The following TTC21A variants were observed in gnomAD, a reference collection of about 807,000 sequenced individuals.
TTC21A encodes the protein tetratricopeptide repeat protein 21A.
Under a neutral mutation model 156.4 loss-of-function variants are expected in TTC21A, and 128 were observed. That is an observed-to-expected ratio of 0.82 (90% CI 0.71 to 0.95). TTC21A has a LOEUF of 0.95. TTC21A is among the 40% of genes least tolerant of loss of function. The pLI is 0.00. For missense variants in TTC21A, 1,435 were observed against 1,602.3 expected (o/e 0.90, Z 1.78); for synonymous variants, 587 against 617.1 (o/e 0.95, Z 0.72).
At position 39,134,142 on chromosome 3, in the gene TTC21A, A is replaced by C; in HGVS notation, c.2752-76A>C. 1 of 889,656 alleles carries C rather than the reference A, an allele frequency of 1.1e-6. No individual in the cohort carries two copies. The allele number at this position is 889,656 out of a possible 1,614,324, so 55.1% of individuals were successfully genotyped here. A position where few individuals can be genotyped will look rare whatever the true frequency, so the allele number is the denominator to read the frequency against. On this transcript the variant is annotated intron_variant, in intron 20 of 28. Transcript: ENST00000683103. The surrounding 1 kb of genome is among the most constrained non-coding windows in gnomAD (Gnocchi z 4.6). ...GCTGATAGAAGTGGGGTGTGAGGGA[A>C]AGAGCTGTCAAGGATAACCCCAGGG...
intron 2 of TTC21A, among the ~76,000 whole-genome samples, chr3:39,109,616 T>A (rs1172747496): frequency 6.6e-6 from 1 of 152,132 alleles, no homozygotes; most frequent in African/African-American, 2.4e-5. Context: ...GCAGATGGGC[T>A]GACATTCAGA....
At chr3:39,120,120 C>G in intron 8 of TTC21A, 100 bp downstream of exon 8, 1 of 814,718 alleles carries the variant, frequency 1.2e-6, no homozygotes, top group South Asian at 1.6e-5. Context: ...CCTTACCCCT[C>G]CCTTCTGGCT....
At chr3:39,133,962 G>A (rs1445526702) in intron 20 of TTC21A, among the ~76,000 whole-genome samples, 1 of 152,230 alleles carries the variant, frequency 6.6e-6, no homozygotes, top group Non-Finnish European at 1.5e-5. Flanking sequence ...TCTCAGAGCA[G>A]TGAGGCCAGA....
chr3:39,134,480 C>T lies in TTC21A; in HGVS notation c.2862+152C>T, dbSNP rs759145638. 6.3e-5 allele frequency: 45 copies of T among 714,182 alleles called. No homozygotes were observed. The highest frequency in any genetic ancestry group is 1.1e-4 in the Non-Finnish European group (43 of 389,252). 44.2% of individuals were successfully genotyped at this position (714,182 alleles called of 1,614,324 possible). A position where few individuals can be genotyped will look rare whatever the true frequency, so the allele number is the denominator to read the frequency against. ...GTCGGGCAGAGAGGACTCAGTGCTG[C>T]ACCTACTCTGCCCTTTAGCCGGAAG... On this transcript the variant is annotated intron_variant, in intron 21 of 28. Coordinates refer to ENST00000683103, the MANE Select transcript of TTC21A (RefSeq NM_001366900.1). This position sits in a 1 kb window ranked among gnomAD's most constrained non-coding sequence, Gnocchi z 4.6.
chr3:39,109,032 A>T (rs1264595492), intron 1 of TTC21A, 53 bp from the exon 2 acceptor site: 2 of 1,595,022 alleles, frequency 1.3e-6, no homozygotes, highest in Non-Finnish European at 1.7e-6. Context: ...TCTGGGACAG[A>T]ACAGAGACAG....
chr3:39,137,233 G>A lies in TTC21A; in HGVS notation c.3296G>A (p.Ser1099Asn). Residue 1099 changes from serine to asparagine, a missense_variant, in exon 25 of 29, where the codon AGC (serine) becomes AAC (asparagine). Physicochemically the swap from Ser to Asn is conservative, Grantham distance 46. Transcript: ENST00000683103. ...EKKELEQQGV[S>N]TAEKLLREFY... is the part of the protein sequence containing the mutation. ...AAGGAGTTGGAGCAGCAGGGTGTGA[G>A]CACCGCCGAGAAACTGCTGCGTGAG... 6.2e-7 allele frequency: 1 copy of A among 1,614,050 alleles called. No individual in the cohort carries two copies. Among genetic ancestry groups the A allele is most frequent in the Non-Finnish European group, 8.5e-7 (1 of 1,179,986 alleles).
In TTC21A at chr3:39,136,448, G is replaced by A; in HGVS notation, c.3036G>A (p.Lys1012=). ...DIPAFFELAK[K]VSSRVPLEPG... ...CTGCCTTCTTTGAATTGGCCAAGAA[G>A]GTGTCTAGCCGGGTGCCTTTGGAAC... The change falls in exon 23 of 29, where the codon AAG becomes AAA. Residue 1012 remains lysine (K), a synonymous_variant. Coordinates refer to ENST00000683103, the MANE Select transcript of TTC21A (RefSeq NM_001366900.1). The A allele has an allele frequency of 6.2e-7, 1 of 1,614,248 alleles. No individual in the cohort carries two copies. Among genetic ancestry groups the A allele is most frequent in the Non-Finnish European group, 8.5e-7 (1 of 1,180,042 alleles).
At chr3:39,113,374 G>A (rs369829141) in intron 5 of TTC21A, among the ~76,000 whole-genome samples, 1 of 152,176 alleles carries the variant, frequency 6.6e-6, no homozygotes, top group South Asian at 2.1e-4. Context: ...AAGAGAAGGC[G>A]GGCTGTGAAT....
intron 9 of TTC21A, among the ~76,000 whole-genome samples, chr3:39,123,638 A>C (rs2037957476): frequency 6.6e-6 from 1 of 152,186 alleles, no homozygotes; most frequent in African/African-American, 2.4e-5. Flanking sequence ...CCTAACTCCA[A>C]ACTTGGAAGC....
At chr3:39,126,228 C>G (rs564656654) in intron 11 of TTC21A, 33 bp from the exon 12 acceptor site, 2 of 1,613,380 alleles carry the variant, frequency 1.2e-6, no homozygotes, top group African/African-American at 1.3e-5. Context: ...ATAGGGCAAA[C>G]CTACTCCCAC....
chr3:39,114,858 A>G lies in TTC21A; in HGVS notation c.716+116A>G, dbSNP rs1045860018. On this transcript the variant is annotated intron_variant, in intron 6 of 28. Transcript: ENST00000683103. ...AAATATCGCCCATAGAGGAACTGGGAATTGTGCTATGGCCAAATTGGGATG... is the reference window on the plus strand; with the variant it reads ...AAATATCGCCCATAGAGGAACTGGGGATTGTGCTATGGCCAAATTGGGATG... 1.3e-5 allele frequency: 16 copies of G among 1,269,134 alleles called. No homozygotes were observed. The East Asian group carries it at 3.0e-4, about 23-fold the overall frequency. The allele number at this position is 1,269,134 out of a possible 1,614,324, so 78.6% of individuals were successfully genotyped here.
At chr3:39,127,589 C>G (rs1330310651) in intron 12 of TTC21A, among the ~76,000 whole-genome samples, 2 of 152,184 alleles carry the variant, frequency 1.3e-5, no homozygotes, top group African/African-American at 2.4e-5. Flanking sequence ...TCCCTACCCA[C>G]CAGGTTATGG....
At chr3:39,127,375 GT>G (rs2038356341) in intron 12 of TTC21A, among the ~76,000 whole-genome samples, 2 of 152,174 alleles carry the variant, frequency 1.3e-5, no homozygotes, top group East Asian at 3.8e-4. Context: ...TCCTCCCTAT[GT>G]TCATTTGGGT....
intron 6 of TTC21A, among the ~76,000 whole-genome samples, chr3:39,117,434 A>T (rs1217230844): frequency 6.6e-6 from 1 of 152,242 alleles, no homozygotes; most frequent in African/African-American, 2.4e-5. Flanking sequence ...AAAACCTCAT[A>T]GTATGGTCAG....
chr3:39,114,260 CAGTGACCTCACCTCTCCCCTTCAG>C (rs1269501966), intron 5 of TTC21A, among the ~76,000 whole-genome samples: 1 of 152,206 alleles, frequency 6.6e-6, no homozygotes, highest in African/African-American at 2.4e-5. Context: ...GGAAAGCACC[CAGTGACCTCACCTCTCCCCTTCAG>C]GGTGACCTCA....
rs374416006 is a variant in TTC21A, at chr3:39,137,285, G to T, written c.3348G>T (p.Gln1116His). The change falls in exon 25 of 29, where the codon CAG becomes CAT. Residue 1116 changes from glutamine (Q) to histidine (H), a missense_variant. Gln to His is a conservative substitution (Grantham distance 24). Coordinates refer to ENST00000683103, the MANE Select transcript of TTC21A (RefSeq NM_001366900.1). ...TTTACCCACATTCAGACTCCAGCCA[G>T]ACCCAGCTGCGGCTGCTGCAGGGCC... Reference protein sequence around the residue: ...REFYPHSDSSQTQLRLLQGLC... With the variant: ...REFYPHSDSSHTQLRLLQGLC... The T allele has an allele frequency of 1.2e-6, 2 of 1,614,194 alleles. No individual in the cohort carries two copies. Among genetic ancestry groups the T allele is most frequent in the Non-Finnish European group, 1.7e-6 (2 of 1,180,034 alleles).
chr3:39,134,390 C>A lies in TTC21A; in HGVS notation c.2862+62C>A. On this transcript the variant is annotated intron_variant, in intron 21 of 28. Transcript: ENST00000683103. This position sits in a 1 kb window ranked among gnomAD's most constrained non-coding sequence, Gnocchi z 4.6. ...TCCTCCCTTCCCAGGGTCCCTGTGA[C>A]CAGATGCAGGCTACTTCCTAGCCCC... 3 of 1,178,862 alleles carry A rather than the reference C, an allele frequency of 2.5e-6. No homozygotes were observed. The highest frequency in any genetic ancestry group is 2.6e-6 in the Non-Finnish European group (2 of 782,718). 73.0% of individuals were successfully genotyped at this position (1,178,862 alleles called of 1,614,324 possible). A position where few individuals can be genotyped will look rare whatever the true frequency, so the allele number is the denominator to read the frequency against.
chr3:39,118,076 G>T lies in TTC21A; in HGVS notation c.724G>T (p.Glu242Ter). 6.2e-7 allele frequency: 1 copy of T among 1,613,492 alleles called. No homozygotes were observed. The highest frequency in any genetic ancestry group is 1.1e-5 in the South Asian group (1 of 91,074). Residue 242 changes from glutamate to a stop codon, truncating the protein, a stop_gained, in exon 7 of 29, where the codon GAA becomes TAA. Coordinates refer to ENST00000683103, the MANE Select transcript of TTC21A (RefSeq NM_001366900.1). LOFTEE classifies it high-confidence loss of function. ...CTCCTCTTCTTCCTTCAGAATCCTA[G>T]AAAAAGATGAGAGCAATATTGATGC... ...QTVEMGHRIL[E>*]KDESNIDACQ...
At chr3:39,124,971 C>T in intron 9 of TTC21A, 92 bp from the exon 10 acceptor site, 2 of 826,016 alleles carry the variant, frequency 2.4e-6, no homozygotes, top group South Asian at 2.7e-5. Flanking sequence ...GAGACATCTT[C>T]CTTCCACTGT....
Sources: allele counts gnomAD v4.1 joint callset (sites outside exome capture counted in the v4.1 genomes callset), GRCh38; gene constraint gnomAD v4.1.1; non-coding constraint Gnocchi (gnomAD v3.1); transcripts MANE v1.5; gene names NCBI Gene and HGNC (gene_info 2026-07-23, HGNC 2026-07-21).